CFAP299: variants seen among roughly 807,000 people sequenced by gnomAD.
CFAP299 encodes the protein cilia and flagella associated protein 299.
A neutral mutation model predicts 27.0 loss-of-function variants in CFAP299; 21 were observed. The observed-to-expected ratio is 0.78, with a 90% CI of 0.55 to 1.12. The LOEUF (loss-of-function observed/expected upper bound fraction) is 1.12. Ranked by LOEUF, CFAP299 falls within the 50% of genes most tolerant of loss-of-function variation. The pLI, the probability that CFAP299 is intolerant of heterozygous loss-of-function variation, is 0.00. For synonymous variants in CFAP299, 104 were observed against 98.1 expected (o/e 1.06, Z -0.36); for missense variants, 310 against 276.6 (o/e 1.12, Z -0.86).
the CFAP299 span, among the ~76,000 whole-genome samples, chr4:80,330,242 C>G: frequency 1.3e-5 from 2 of 152,106 alleles, no homozygotes; most frequent in Non-Finnish European, 2.9e-5. Flanking sequence ...GTCTCCTGAC[C>G]TAAGATGTCT....
intron 2 of CFAP299, chr4:80,386,534 G>T: frequency 6.3e-7 from 1 of 1,589,760 alleles, no homozygotes. Flanking sequence ...GTGCCGCCGG[G>T]TTTGCAGGTC....
chr4:80,661,451 T>C (rs901826174), intron 3 of CFAP299, among the ~76,000 whole-genome samples: 4 of 152,022 alleles, frequency 2.6e-5, no homozygotes, highest in African/African-American at 4.8e-5. Context: ...CCCAAATTAA[T>C]ACTTTTATAA....
intron 2 of CFAP299, among the ~76,000 whole-genome samples, chr4:80,558,032 A>C (rs1469489913): frequency 6.7e-6 from 1 of 148,806 alleles, no homozygotes; most frequent in South Asian, 2.1e-4. Context: ...ATTTTTTATT[A>C]CTACTTACTC....
At chr4:80,382,520 G>A (rs1457381970) in intron 2 of CFAP299, among the ~76,000 whole-genome samples, 1 of 152,100 alleles carries the variant, frequency 6.6e-6, no homozygotes, top group East Asian at 1.9e-4. Flanking sequence ...TAAAAAGTAG[G>A]CAAAGGACAT....
At chr4:80,570,517 T>C (rs568440965) in intron 2 of CFAP299, among the ~76,000 whole-genome samples, 1 of 152,058 alleles carries the variant, frequency 6.6e-6, no homozygotes, top group South Asian at 2.1e-4. Flanking sequence ...TCAATAAAAA[T>C]AGGAAAATGC....
chr4:80,483,367 C>G (rs188681337), intron 2 of CFAP299, among the ~76,000 whole-genome samples: 1 of 151,812 alleles, frequency 6.6e-6, no homozygotes, highest in Admixed American at 6.6e-5. Context: ...AAACTAATAA[C>G]ACCAGATGTA....
rs369245011 is a variant in CFAP299, at chr4:80,344,059, TAAC to T, written c.111+8184_111+8186del. ...TCAAAAGACTAAAAAGATCTCAAGTTAACAACCTGACAACACAACTAAAAGAAC... is the reference window on the plus strand; with the variant it reads ...TCAAAAGACTAAAAAGATCTCAAGTTAACCTGACAACACAACTAAAAGAAC... On this transcript the variant is annotated intron_variant, in intron 1 of 5. Coordinates refer to ENST00000358105, the MANE Select transcript of CFAP299 (RefSeq NM_152770.3). Among the ~76,000 whole-genome samples the T allele has an allele frequency of 6.2e-3, 947 of 152,050 alleles. 2 individuals are homozygous for T. Among genetic ancestry groups the T allele is most frequent in the Middle Eastern group, 0.024 (7 of 294 alleles).
At chr4:80,396,467 A>G (rs1436289645) in intron 2 of CFAP299, among the ~76,000 whole-genome samples, 1 of 152,126 alleles carries the variant, frequency 6.6e-6, no homozygotes, top group Admixed American at 6.6e-5. Context: ...TGAGTTCTAA[A>G]CATTTGTACA....
the CFAP299 span, among the ~76,000 whole-genome samples, chr4:80,326,599 ACT>A: frequency 2.0e-5 from 3 of 151,996 alleles, no homozygotes; most frequent in Non-Finnish European, 2.9e-5. Flanking sequence ...AATAGAAAAC[ACT>A]CTCAGACTAT....
chr4:80,782,532 A>G (rs1267507200), intron 3 of CFAP299, among the ~76,000 whole-genome samples: 1 of 146,288 alleles, frequency 6.8e-6, no homozygotes, highest in South Asian at 2.1e-4. Flanking sequence ...TATATAATAT[A>G]CATATATGAA....
intron 2 of CFAP299, among the ~76,000 whole-genome samples, chr4:80,404,980 G>T (rs1420862514): frequency 6.6e-6 from 1 of 152,080 alleles, no homozygotes; most frequent in Non-Finnish European, 1.5e-5. Context: ...CATTCTGATG[G>T]GTGTGAGGAG....
chr4:80,743,232 C>A (rs899148951), intron 3 of CFAP299, among the ~76,000 whole-genome samples: 4 of 149,630 alleles, frequency 2.7e-5, no homozygotes, highest in Non-Finnish European at 5.9e-5. Context: ...CCTGTCTCTA[C>A]TAAAAATACA....
intron 3 of CFAP299, among the ~76,000 whole-genome samples, chr4:80,861,951 T>C (rs184400847): frequency 2.0e-5 from 3 of 152,298 alleles, no homozygotes; most frequent in African/African-American, 7.2e-5. Flanking sequence ...TTTTATTTTC[T>C]TCTTCCAAGT....
intron 3 of CFAP299, among the ~76,000 whole-genome samples, chr4:80,859,602 C>T (rs1298793903): frequency 6.6e-6 from 1 of 151,758 alleles, no homozygotes; most frequent in Non-Finnish European, 1.5e-5. Context: ...TTAGGGCAGG[C>T]CTGGTGGTGA....
At chr4:80,858,072 C>T (rs1390127878) in intron 3 of CFAP299, among the ~76,000 whole-genome samples, 1 of 152,114 alleles carries the variant, frequency 6.6e-6, no homozygotes, top group East Asian at 1.9e-4. Context: ...TTGATTATTG[C>T]CACAATTTCA....
chr4:80,953,167 T>C (rs1005427534), intron 5 of CFAP299, among the ~76,000 whole-genome samples: 7 of 152,322 alleles, frequency 4.6e-5, no homozygotes, highest in Admixed American at 4.6e-4. Context: ...CAAACTGCAC[T>C]ACAAGACTAA....
intron 3 of CFAP299, among the ~76,000 whole-genome samples, chr4:80,669,131 GTCTT>G (rs765634015): frequency 0.06 from 2,759 of 45,894 alleles, 275 homozygotes; most frequent in African/African-American, 0.18. Context: ...TTTCTTTTCT[GTCTT>G]TCTTTCTTTC....
intron 2 of CFAP299, among the ~76,000 whole-genome samples, chr4:80,503,483 C>T (rs1731839913): frequency 1.3e-5 from 2 of 152,044 alleles, no homozygotes; most frequent in African/African-American, 4.8e-5. Context: ...TGTTCTTATT[C>T]TCAGGAGAGG....
At chr4:80,619,354 T>C (rs756399027) in intron 3 of CFAP299, among the ~76,000 whole-genome samples, 5 of 152,162 alleles carry the variant, frequency 3.3e-5, no homozygotes, top group Non-Finnish European at 4.4e-5. Context: ...GACATTCTAT[T>C]TCCTTCTTAT....
Sources: gnomAD v4.1 joint callset for allele counts (sites outside exome capture counted in the v4.1 genomes callset) on GRCh38, gnomAD v4.1.1 for gene constraint, MANE v1.5 for transcripts, NCBI Gene and HGNC (gene_info 2026-07-23, HGNC 2026-07-21) for gene names.